The following GUCY1A2 variants were observed in gnomAD, a reference collection of about 807,000 sequenced individuals.
GUCY1A2 encodes the protein guanylate cyclase soluble subunit alpha-2.
In GUCY1A2, 27 loss-of-function variants were observed where a neutral mutation model predicts 63.5. The ratio of observed to expected loss-of-function variants is 0.43; its 90% confidence interval spans 0.31 to 0.59. GUCY1A2 has a LOEUF of 0.59. Among genes scored for constraint, GUCY1A2 ranks in the 20% least tolerant of loss-of-function variants. The pLI is 0.11. For synonymous variants in GUCY1A2, 364 were observed against 343.5 expected, an observed-to-expected ratio of 1.06 and a Z score of -0.66; for missense variants, 768 against 913.3, an observed-to-expected ratio of 0.84 and a Z score of 2.05.
intron 4 of GUCY1A2, among the ~76,000 whole-genome samples, chr11:106,815,822 T>C (rs61905201): frequency 0.023 from 3,462 of 150,686 alleles, 64 homozygotes; most frequent in Middle Eastern, 0.069. Context: ...AAGGAGAAGG[T>C]GACGTGAAGA....
chr11:106,966,474 G>GT (rs2120080111), intron 3 of GUCY1A2, among the ~76,000 whole-genome samples: 1 of 152,246 alleles, frequency 6.6e-6, no homozygotes, highest in Admixed American at 6.5e-5. Flanking sequence ...CTTGTCTGTA[G>GT]TTTTTTACTG....
intron 7 of GUCY1A2, among the ~76,000 whole-genome samples, chr11:106,702,918 C>T (rs1051411361): frequency 3.9e-5 from 6 of 152,050 alleles, no homozygotes; most frequent in Non-Finnish European, 8.8e-5. Context: ...TTGAAGGATG[C>T]AAAGTATTGT....
At chr11:106,936,739 G>A (rs184551613) in intron 4 of GUCY1A2, 136 of 1,400,462 alleles carry the variant, frequency 9.7e-5, no homozygotes, top group Non-Finnish European at 1.2e-4. Flanking sequence ...TATGGCAGAC[G>A]TAGTGGTTCA....
At chr11:106,936,240 C>CA (rs548765770) in intron 4 of GUCY1A2, among the ~76,000 whole-genome samples, 7 of 151,854 alleles carry the variant, frequency 4.6e-5, no homozygotes, top group Admixed American at 6.6e-5. Flanking sequence ...CATTAAGCTG[C>CA]AAAAAAAATT....
At chr11:106,702,515 G>T (rs1862833095) in intron 7 of GUCY1A2, among the ~76,000 whole-genome samples, 1 of 152,082 alleles carries the variant, frequency 6.6e-6, no homozygotes, top group South Asian at 2.1e-4. Context: ...TCTCAGGATA[G>T]CTTCTTAGTC....
At chr11:106,881,049 G>A (rs760062927) in intron 4 of GUCY1A2, among the ~76,000 whole-genome samples, 4 of 152,054 alleles carry the variant, frequency 2.6e-5, no homozygotes, top group Admixed American at 6.6e-5. Flanking sequence ...AATTATCTCT[G>A]AGGTTCCTTC....
intron 4 of GUCY1A2, among the ~76,000 whole-genome samples, chr11:106,817,488 T>G (rs961306144): frequency 6.6e-6 from 1 of 151,862 alleles, no homozygotes; most frequent in Non-Finnish European, 1.5e-5. Context: ...ACAATAAAAA[T>G]GAGAATAGAT....
At chr11:106,771,886 C>T (rs1296957680) in intron 6 of GUCY1A2, among the ~76,000 whole-genome samples, 2 of 152,134 alleles carry the variant, frequency 1.3e-5, no homozygotes, top group African/African-American at 4.8e-5. Context: ...GTTCTACTCA[C>T]TTTTTATAAA....
intron 1 of GUCY1A2, among the ~76,000 whole-genome samples, chr11:107,005,044 G>A (rs1591361389): frequency 6.6e-6 from 1 of 152,060 alleles, no homozygotes; most frequent in East Asian, 1.9e-4. Context: ...AAAATTCATG[G>A]AACACTAAGC....
Position 106,685,412 on chromosome 11 carries a change from A to ACAAATATTT in GUCY1A2, c.*2136_*2137insAAATATTTG. 1 of 218,696 alleles carries ACAAATATTT rather than the reference A, an allele frequency of 4.6e-6. No homozygotes were observed. Among genetic ancestry groups the ACAAATATTT allele is most frequent in the Non-Finnish European group, 9.2e-6 (1 of 108,944 alleles). The allele number at this position is 218,696 out of a possible 1,614,324, so 13.5% of individuals were successfully genotyped here. A position where few individuals can be genotyped will look rare whatever the true frequency, so the allele number is the denominator to read the frequency against. On this transcript the variant is annotated 3_prime_UTR_variant, in exon 8 of 8. Transcript: ENST00000526355. ...ATGGAGATAATAAATATGTGTTTAG[A>ACAAATATTT]GTAGTTGCTTAGACAAATCTTTATA...
chr11:106,802,746 GAA>G (rs1858627230), intron 5 of GUCY1A2, among the ~76,000 whole-genome samples: 1 of 152,086 alleles, frequency 6.6e-6, no homozygotes, highest in African/African-American at 2.4e-5. Context: ...CCTCAAAGAG[GAA>G]AGAAAGCAAG....
intron 6 of GUCY1A2, among the ~76,000 whole-genome samples, chr11:106,737,046 G>C (rs1019614094): frequency 1.4e-4 from 21 of 152,100 alleles, no homozygotes; most frequent in African/African-American, 5.1e-4. Context: ...TACTAACATT[G>C]TTGGTACCCA....
At chr11:106,995,213 T>C (rs961803823) in intron 1 of GUCY1A2, among the ~76,000 whole-genome samples, 2 of 152,238 alleles carry the variant, frequency 1.3e-5, no homozygotes, top group African/African-American at 4.8e-5. Context: ...ACCAGCTTTG[T>C]GCTGAGTGCA....
intron 3 of GUCY1A2, among the ~76,000 whole-genome samples, chr11:106,941,413 C>T (rs1389799132): frequency 6.6e-6 from 1 of 152,144 alleles, no homozygotes; most frequent in African/African-American, 2.4e-5. Context: ...ATAACACATA[C>T]AAAAGATTTT....
chr11:106,843,440 G>T (rs1174814721), intron 4 of GUCY1A2, among the ~76,000 whole-genome samples: 1 of 151,774 alleles, frequency 6.6e-6, no homozygotes, highest in Non-Finnish European at 1.5e-5. Flanking sequence ...GATGAACATA[G>T]AGGGCTACTG....
intron 7 of GUCY1A2, among the ~76,000 whole-genome samples, chr11:106,694,236 G>C (rs1370994381): frequency 1.3e-5 from 2 of 152,160 alleles, no homozygotes; most frequent in East Asian, 3.9e-4. Context: ...TATGAATGTA[G>C]ACTTTTATTT....
chr11:106,971,219 ATGTG>A lies in GUCY1A2; in HGVS notation c.487+7396_487+7399del, dbSNP rs67190015. On this transcript the variant is annotated intron_variant, in intron 3 of 7. Coordinates refer to ENST00000526355, the MANE Select transcript of GUCY1A2 (RefSeq NM_000855.3). Reference sequence around the variant, plus strand: ...CTAAACTTACTGTATACAAATTTAAATGTGTGTGTGTGTGTGTGTGTGTGTTTAG... The same window carrying A: ...CTAAACTTACTGTATACAAATTTAAATGTGTGTGTGTGTGTGTGTGTTTAG... Among the ~76,000 whole-genome samples the A allele has an allele frequency of 5.2e-3, 774 of 149,268 alleles. 6 individuals are homozygous for A. Among genetic ancestry groups the A allele is most frequent in the African/African-American group, 0.018 (736 of 40,644 alleles).
chr11:106,847,241 AAT>A (rs975195456), intron 4 of GUCY1A2, among the ~76,000 whole-genome samples: 5 of 143,568 alleles, frequency 3.5e-5, no homozygotes, highest in African/African-American at 7.6e-5. Flanking sequence ...CAAAAAAAAA[AAT>A]ATATATATAT....
chr11:106,900,029 T>TGAGCTAA (rs1368703293), intron 4 of GUCY1A2, among the ~76,000 whole-genome samples: 1 of 142,762 alleles, frequency 7.0e-6, no homozygotes. Flanking sequence ...GAGCTTGCAG[T>TGAGCTAA]GAGCTAAGAT....
Sources: gnomAD v4.1 joint callset for allele counts (sites outside exome capture counted in the v4.1 genomes callset) on GRCh38, gnomAD v4.1.1 for gene constraint, MANE v1.5 for transcripts, NCBI Gene and HGNC (gene_info 2026-07-23, HGNC 2026-07-21) for gene names.